The following GRK5 variants were observed in gnomAD, a reference collection of about 807,000 sequenced individuals.
GRK5 encodes G protein-coupled receptor kinase 5.
Under a neutral mutation model 78.4 loss-of-function variants are expected in GRK5, and 40 were observed. That is an observed-to-expected ratio of 0.51 (90% CI 0.40 to 0.66). GRK5 has a LOEUF of 0.66. GRK5 is among the 30% of genes least tolerant of loss of function. The pLI, the probability that GRK5 is intolerant of heterozygous loss-of-function variation, is 0.00. For synonymous variants in GRK5, 289 were observed against 296.8 expected (o/e 0.97, Z 0.27); for missense variants, 598 against 759.9 (o/e 0.79, Z 2.50).
chr10:119,410,117 G>C (rs1852310649), intron 4 of GRK5, among the ~76,000 whole-genome samples: 1 of 152,274 alleles, frequency 6.6e-6, no homozygotes, highest in Admixed American at 6.5e-5. Flanking sequence ...GTCACGACCA[G>C]GGATTATCAA....
chr10:119,252,199 G>T (rs1054895234), intron 1 of GRK5, among the ~76,000 whole-genome samples: 1 of 152,228 alleles, frequency 6.6e-6, no homozygotes, highest in Admixed American at 6.5e-5. Context: ...AACCATCTGG[G>T]TGGGGTGAGC....
intron 2 of GRK5, among the ~76,000 whole-genome samples, chr10:119,340,430 A>C (rs979868821): frequency 2.0e-5 from 3 of 152,214 alleles, no homozygotes; most frequent in African/African-American, 7.2e-5. Context: ...GCCCAGCCCC[A>C]AAACTTACTT....
At chr10:119,389,546 C>T (rs1851852426) in intron 3 of GRK5, among the ~76,000 whole-genome samples, 1 of 152,176 alleles carries the variant, frequency 6.6e-6, no homozygotes. Context: ...CTGGGTGCCC[C>T]ACCCGCATTC....
chr10:119,242,527 G>C (rs1466600829), intron 1 of GRK5, among the ~76,000 whole-genome samples: 2 of 149,454 alleles, frequency 1.3e-5, no homozygotes, highest in Admixed American at 1.4e-4. Context: ...ATGGTGCCCA[G>C]TGTGTCTGCT....
rs1156800151 is a variant in GRK5 at position 119,458,172 on chromosome 10, G to A, written c.*3105G>A. On this transcript the variant is annotated 3_prime_UTR_variant, in exon 16 of 16. Coordinates refer to ENST00000392870, the MANE Select transcript of GRK5 (RefSeq NM_005308.3). ...GGCATGACATTTTTTTTCACCAGAC[G>A]TTCACTGACTTCGTGACTTTGAGGT... The A allele has an allele frequency of 1.3e-5, 2 of 152,186 alleles. No individual in the cohort carries two copies. Among genetic ancestry groups the A allele is most frequent in the East Asian group, 1.9e-4 (1 of 5,166 alleles). The allele number at this position is 152,186 out of a possible 1,614,324, so 9.4% of individuals were successfully genotyped here.
At chr10:119,385,901 A>G (rs1282860884) in intron 3 of GRK5, among the ~76,000 whole-genome samples, 2 of 150,072 alleles carry the variant, frequency 1.3e-5, no homozygotes, top group African/African-American at 2.5e-5. Context: ...TTTAATTTTT[A>G]TTTTTGAGAG....
Position 119,458,520 on chromosome 10 carries a change from G to GA in GRK5, c.*3453_*3454insA, listed in dbSNP as rs1372044226. 6.6e-6 allele frequency: 1 copy of GA among 152,316 alleles called. No homozygotes were observed. The highest frequency in any genetic ancestry group is 1.5e-5 in the Non-Finnish European group (1 of 68,126). 9.4% of individuals were successfully genotyped at this position (152,316 alleles called of 1,614,324 possible). ...GAAAGGCATTGCTCGGAGGGGCGGG[G>GA]GCGGGGAGGCCTAGCCTGCCCCACA... On this transcript the variant is annotated 3_prime_UTR_variant, in exon 16 of 16. Coordinates refer to ENST00000392870, the MANE Select transcript of GRK5 (RefSeq NM_005308.3).
chr10:119,265,270 C>T (rs138727749), intron 1 of GRK5, among the ~76,000 whole-genome samples: 266 of 152,302 alleles, frequency 1.7e-3, no homozygotes, highest in Non-Finnish European at 3.1e-3. Context: ...AACTGAGGCT[C>T]AGGGTAGAGA....
chr10:119,234,737 G>T (rs1394672591), intron 1 of GRK5, among the ~76,000 whole-genome samples: 1 of 151,164 alleles, frequency 6.6e-6, no homozygotes, highest in African/African-American at 2.4e-5. Flanking sequence ...CTGTCACCCA[G>T]GCTGGAGTGC....
At chr10:119,349,137 C>T (rs1221552765) in intron 2 of GRK5, among the ~76,000 whole-genome samples, 2 of 152,084 alleles carry the variant, frequency 1.3e-5, no homozygotes, top group African/African-American at 2.4e-5. Context: ...GGGAAGAACT[C>T]GTGGCCAGTG....
chr10:119,392,498 G>T (rs1564915847), intron 3 of GRK5, among the ~76,000 whole-genome samples: 1 of 152,218 alleles, frequency 6.6e-6, no homozygotes, highest in Non-Finnish European at 1.5e-5. Context: ...TGCCTCCCGA[G>T]TTCAATCGAT....
intron 2 of GRK5, among the ~76,000 whole-genome samples, chr10:119,367,316 T>C (rs776671503): frequency 1.3e-5 from 2 of 152,168 alleles, no homozygotes; most frequent in Non-Finnish European, 2.9e-5. Context: ...AGTGTGGGCA[T>C]TGGTGAGCTC....
At chr10:119,278,440 C>T (rs4752269) in intron 1 of GRK5, among the ~76,000 whole-genome samples, 36,853 of 151,954 alleles carry the variant, frequency 0.24, 4,972 homozygotes, top group Admixed American at 0.3. Context: ...TATCCAATGT[C>T]GCTGTGTCCC....
intron 2 of GRK5, among the ~76,000 whole-genome samples, chr10:119,368,400 G>C (rs1851487168): frequency 6.6e-6 from 1 of 152,170 alleles, no homozygotes; most frequent in Admixed American, 6.5e-5. Flanking sequence ...ATGGCAGCTG[G>C]GTGGGTTTAA....
chr10:119,365,675 G>A (rs527280039), intron 2 of GRK5, among the ~76,000 whole-genome samples: 3 of 152,256 alleles, frequency 2.0e-5, no homozygotes, highest in Admixed American at 1.3e-4. Context: ...TCCCCTACCC[G>A]GCCTCAGTTT....
In GRK5 at chr10:119,388,124, A is replaced by T. The variant is rs943705462; in HGVS notation, c.261+7197A>T. Among the ~76,000 whole-genome samples, 25 of 145,208 alleles carry T rather than the reference A, an allele frequency of 1.7e-4. 1 individual carries two copies. The highest frequency in any genetic ancestry group is 3.4e-4 in the Admixed American group (5 of 14,502). On this transcript the variant is annotated intron_variant, in intron 3 of 15. Coordinates refer to ENST00000392870, the MANE Select transcript of GRK5 (RefSeq NM_005308.3). The stretch of plus-strand genomic sequence containing the variant: ...CAGGCCACCATGCCTGGCTAATTAA[A>T]TTTTTTTTTTTTTAGAGATGGGGTC...
At chr10:119,344,587 G>A (rs924694994) in intron 2 of GRK5, among the ~76,000 whole-genome samples, 6 of 152,104 alleles carry the variant, frequency 3.9e-5, no homozygotes, top group Non-Finnish European at 7.3e-5. Flanking sequence ...ATGGTTTCTC[G>A]CTCCCCTGCT....
chr10:119,268,894 G>A (rs1229777949), intron 1 of GRK5, among the ~76,000 whole-genome samples: 3 of 152,228 alleles, frequency 2.0e-5, no homozygotes, highest in Non-Finnish European at 4.4e-5. Context: ...GGAGCCAGCT[G>A]TCCTCACTTC....
In GRK5 at chr10:119,453,178, G is replaced by A. The variant is rs770981083; in HGVS notation, c.1576G>A (p.Val526Met). 26 of 1,568,654 alleles carry A rather than the reference G, an allele frequency of 1.7e-5. No homozygotes were observed. The highest frequency in any genetic ancestry group is 4.1e-5 in the African/African-American group (3 of 73,992). Residue 526 changes from valine to methionine, a missense_variant, in exon 15 of 16, where the codon GTG becomes ATG. Val to Met is a conservative substitution (Grantham distance 21, BLOSUM62 1). Transcript: ENST00000392870. ...IETECFKELN[V>M]FGPNGTLPPD... Reference sequence around the variant, plus strand: ...AACAGAATGCTTTAAGGAGCTGAACGTGTTTGGACCTAATGGTACCCTCCC... The same window carrying A: ...AACAGAATGCTTTAAGGAGCTGAACATGTTTGGACCTAATGGTACCCTCCC...
Sources: gnomAD v4.1 joint callset for allele counts (sites outside exome capture counted in the v4.1 genomes callset) on GRCh38, gnomAD v4.1.1 for gene constraint, MANE v1.5 for transcripts, NCBI Gene and HGNC (gene_info 2026-07-23, HGNC 2026-07-21) for gene names.